PRKCG: variants seen among roughly 807,000 people sequenced by gnomAD.
PRKCG encodes protein kinase C gamma type.
In PRKCG, 28 loss-of-function variants were observed where a neutral mutation model predicts 82.0. That is an observed-to-expected ratio of 0.34 (90% CI 0.25 to 0.47). The LOEUF (loss-of-function observed/expected upper bound fraction) is 0.47. Among genes scored for constraint, PRKCG ranks in the 20% least tolerant of loss-of-function variants. PRKCG has a pLI of 1.00. For synonymous variants in PRKCG, 383 were observed against 376.6 expected (o/e 1.02, Z -0.20); for missense variants, 640 against 952.7 (o/e 0.67, Z 4.32).
chr19:53,897,248 C>A (rs944246449), intron 9 of PRKCG, among the ~76,000 whole-genome samples: 5 of 152,148 alleles, frequency 3.3e-5, no homozygotes, highest in Admixed American at 1.3e-4. Flanking sequence ...TAAATTGGCT[C>A]CTGTGCCTGC....
intron 16 of PRKCG, 52 bp from the exon 17 acceptor site, chr19:53,906,265 T>C: frequency 6.5e-7 from 1 of 1,550,022 alleles, no homozygotes; most frequent in Non-Finnish European, 8.7e-7. Context: ...TGGGTCTACC[T>C]GTCCGGCACT....
At chr19:53,896,183 A>G (rs1038872818) in intron 9 of PRKCG, among the ~76,000 whole-genome samples, 9 of 152,040 alleles carry the variant, frequency 5.9e-5, no homozygotes, top group Non-Finnish European at 1.3e-4. Flanking sequence ...TACAAACCCA[A>G]GAAACCCAGC....
At chr19:53,906,517 C>T (rs1472118429) in intron 17 of PRKCG, 60 bp downstream of exon 17, 3 of 1,569,694 alleles carry the variant, frequency 1.9e-6, no homozygotes, top group Non-Finnish European at 2.6e-6. Flanking sequence ...TCCCCTGGGC[C>T]TCAATATACC....
At chr19:53,891,632 T>C (rs773537730) in intron 5 of PRKCG, 42 bp from the exon 6 acceptor site, 2 of 1,609,982 alleles carry the variant, frequency 1.2e-6, no homozygotes, top group East Asian at 2.2e-5. Context: ...AGCCCCTTCC[T>C]GGATCTCTAA....
intron 15 of PRKCG, 29 bp from the exon 16 acceptor site, chr19:53,904,606 C>G (rs781493422): frequency 1.3e-6 from 2 of 1,597,096 alleles, no homozygotes; most frequent in Admixed American, 1.7e-5. Flanking sequence ...GGGCATGTCC[C>G]TGACTCTCTA....
At chr19:53,881,257 G>A (rs536395526), upstream of PRKCG, among the ~76,000 whole-genome samples, 1 of 152,180 alleles carries the variant, frequency 6.6e-6, no homozygotes, top group East Asian at 1.9e-4. Flanking sequence ...GGAAGGGAGA[G>A]AGACAGAGAC....
Position 53,906,436 on chromosome 19 carries a change from G to T in PRKCG, c.1884G>T (p.Pro628=). ...DWERLERLEI[P]PPFRPRPCGR... is the part of the protein sequence containing the mutation. ...AGCGGCTGGAACGATTGGAGATCCC[G>T]CCTCCTTTCAGACCCCGCCCGGTCA... The change falls in exon 17 of 18, where the codon CCG becomes CCT. Residue 628 remains proline (P), a synonymous_variant. Transcript: ENST00000263431. 6.3e-7 allele frequency: 1 copy of T among 1,574,882 alleles called. No homozygotes were observed. Among genetic ancestry groups the T allele is most frequent in the East Asian group, 2.3e-5 (1 of 42,624 alleles).
chr19:53,885,177 C>G (rs1051333219), intron 3 of PRKCG, among the ~76,000 whole-genome samples: 2 of 152,174 alleles, frequency 1.3e-5, no homozygotes, highest in African/African-American at 4.8e-5. Flanking sequence ...GCGACTGTGG[C>G]TGAGGATTAG....
In PRKCG at chr19:53,906,298, C is replaced by G; in HGVS notation, c.1765-19C>G. The stretch of plus-strand genomic sequence containing the variant: ...ACTCTGTCTGTTTGTCTGTCTGTCT[C>G]TCTCTGTGTTTCCCACAGTTCCTGA... On this transcript the variant is annotated intron_variant, in intron 16 of 17. Coordinates refer to ENST00000263431, the MANE Select transcript of PRKCG (RefSeq NM_002739.5). The G allele has an allele frequency of 3.2e-6, 5 of 1,551,242 alleles. No homozygotes were observed. The highest frequency in any genetic ancestry group is 1.2e-5 in the South Asian group (1 of 84,050).
At chr19:53,906,084 CCTT>C (rs1199099703) in intron 16 of PRKCG, among the ~76,000 whole-genome samples, 1,141 of 27,842 alleles carry the variant, frequency 0.041, 46 homozygotes, top group Middle Eastern at 0.083. Context: ...TCCTCCTCCT[CCTT>C]CTTCTTCTTC....
chr19:53,895,262 C>T (rs374826084), intron 9 of PRKCG, among the ~76,000 whole-genome samples: 9 of 151,790 alleles, frequency 5.9e-5, no homozygotes, highest in Middle Eastern at 3.2e-3. Flanking sequence ...GTAAGGCGGG[C>T]GGATCACCTG....
intron 14 of PRKCG, among the ~76,000 whole-genome samples, chr19:53,901,551 CAAA>C (rs57268943): frequency 8.7e-5 from 4 of 45,816 alleles, no homozygotes; most frequent in Non-Finnish European, 1.8e-4. Context: ...AACTTCATCT[CAAA>C]AAAAAAAAAA....
In PRKCG at chr19:53,883,577, G is replaced by A. The variant is rs1051558269; in HGVS notation, c.202+383G>A. 6.6e-6 allele frequency among the ~76,000 whole-genome samples: 1 copy of A among 151,716 alleles called. No individual in the cohort carries two copies. Among genetic ancestry groups the A allele is most frequent in the African/African-American group, 2.4e-5 (1 of 41,294 alleles). On this transcript the variant is annotated intron_variant, in intron 2 of 17. Transcript: ENST00000263431. The surrounding 1 kb of genome is among the most constrained non-coding windows in gnomAD (Gnocchi z 5.4). Reference sequence around the variant, plus strand: ...ACAACACCAGCCGTCCTAGGCAGGGGCAGGCCGGGTGGGGTCACCAATGGG... The same window carrying A: ...ACAACACCAGCCGTCCTAGGCAGGGACAGGCCGGGTGGGGTCACCAATGGG...
Position 53,906,721 on chromosome 19 carries a change from C to G in PRKCG, c.1920C>G (p.Gly640=). 1.2e-6 allele frequency: 2 copies of G among 1,612,868 alleles called. No homozygotes were observed. Among genetic ancestry groups the G allele is most frequent in the South Asian group, 1.1e-5 (1 of 91,050 alleles). The change falls in exon 18 of 18, where the codon GGC becomes GGG. Residue 640 remains glycine, a synonymous_variant. Coordinates refer to ENST00000263431, the MANE Select transcript of PRKCG (RefSeq NM_002739.5). ...GTCTCCCACAGTGTGGCCGCAGCGG[C>G]GAGAACTTTGACAAGTTCTTCACGC... ...PFRPRPCGRS[G]ENFDKFFTRA... is the part of the protein sequence containing the mutation.
chr19:53,886,298 G>A (rs960187873), intron 3 of PRKCG, among the ~76,000 whole-genome samples: 1 of 151,820 alleles, frequency 6.6e-6, no homozygotes, highest in African/African-American at 2.4e-5. Flanking sequence ...AGTAGACAGG[G>A]TTTCATCATG....
Position 53,900,470 on chromosome 19 carries a change from C to T in PRKCG, c.1425C>T (p.Gly475=), listed in dbSNP as rs756913177. ...GCCTCTTCTTCCTTCACAATCAGGG[C>T]ATCATCTACAGGTGAGCAGCCCCAG... The part of the protein sequence containing the change: ...AIGLFFLHNQ[G]IIYRDLKLDN... The change falls in exon 13 of 18, where the codon GGC becomes GGT. Residue 475 remains glycine (G), a synonymous_variant. Coordinates refer to ENST00000263431, the MANE Select transcript of PRKCG (RefSeq NM_002739.5). The surrounding 1 kb of genome is among the most constrained non-coding windows in gnomAD (Gnocchi z 4.2). 1.2e-6 allele frequency: 2 copies of T among 1,614,136 alleles called. No homozygotes were observed. The highest frequency in any genetic ancestry group is 1.3e-5 in the African/African-American group (1 of 75,050).
At chr19:53,898,293 G>A in intron 10 of PRKCG, 147 bp from the exon 11 acceptor site, 1 of 1,325,728 alleles carries the variant, frequency 7.5e-7, no homozygotes, top group Non-Finnish European at 1.1e-6. Context: ...CTCCTTGAGG[G>A]GACGGGCGGC....
chr19:53,886,517 C>T (rs1415444083), intron 3 of PRKCG, among the ~76,000 whole-genome samples: 1 of 152,106 alleles, frequency 6.6e-6, no homozygotes, highest in Admixed American at 6.5e-5. Context: ...GCTCCTCCTG[C>T]CCCAGCTTCT....
At chr19:53,886,872 A>G (rs1382422299) in intron 3 of PRKCG, among the ~76,000 whole-genome samples, 2 of 152,204 alleles carry the variant, frequency 1.3e-5, no homozygotes, top group African/African-American at 4.8e-5. Context: ...CTTGTTTGTA[A>G]AGTGGAGATG....
Sources: allele counts gnomAD v4.1 joint callset (sites outside exome capture counted in the v4.1 genomes callset), GRCh38; gene constraint gnomAD v4.1.1; non-coding constraint Gnocchi (gnomAD v3.1); transcripts MANE v1.5; gene names NCBI Gene and HGNC (gene_info 2026-07-23, HGNC 2026-07-21).